Variants in DTNBP1 observed in about 807,000 individuals in gnomAD.
DTNBP1 encodes dysbindin.
In DTNBP1, 35 loss-of-function variants were observed where a neutral mutation model predicts 42.8. The observed-to-expected ratio is 0.82, with a 90% confidence interval of 0.63 to 1.09. DTNBP1 has a LOEUF of 1.09. Among genes scored for constraint, DTNBP1 ranks in the 50% least tolerant of loss-of-function variants. The pLI is 0.00. For missense variants in DTNBP1, 457 were observed against 424.2 expected, an observed-to-expected ratio of 1.08 and a Z score of -0.68; for synonymous variants, 171 against 162.2, an observed-to-expected ratio of 1.05 and a Z score of -0.41.
chr6:15,569,765 T>C (rs960954482), intron 7 of DTNBP1, among the ~76,000 whole-genome samples: 12 of 152,232 alleles, frequency 7.9e-5, no homozygotes, highest in African/African-American at 2.7e-4. Context: ...TTCTTCTGCA[T>C]AGAAATTTCG....
At chr6:15,586,021 A>G (rs1394429540) in intron 7 of DTNBP1, 47 of 1,230,462 alleles carry the variant, frequency 3.8e-5, no homozygotes, top group Non-Finnish European at 4.6e-5. Flanking sequence ...GCAAAGATGT[A>G]TGCACCGGTC....
chr6:15,553,481 C>T (rs900411827), intron 7 of DTNBP1, among the ~76,000 whole-genome samples: 2 of 151,306 alleles, frequency 1.3e-5, no homozygotes, highest in Non-Finnish European at 2.9e-5. Flanking sequence ...AGCATTTTGA[C>T]ATAAACTGTT....
chr6:15,626,452 A>G (rs573578138), intron 5 of DTNBP1, among the ~76,000 whole-genome samples: 2 of 152,204 alleles, frequency 1.3e-5, no homozygotes, highest in Non-Finnish European at 2.9e-5. Context: ...GAATAAGGCA[A>G]TATTAAAAAC....
Position 15,645,217 on chromosome 6 carries a change from A to G in DTNBP1, c.161+6096T>C, listed in dbSNP as rs571470446. Among the ~76,000 whole-genome samples, 7 of 152,154 alleles carry G rather than the reference A, an allele frequency of 4.6e-5. No homozygotes were observed. In the Middle Eastern group the frequency reaches 0.01, roughly 222 times the overall value. ...AATTCCTAGAAACACATCACCTTCC[A>G]GACTGAACCAGAAAGAAATTGAAAT... is the stretch of plus-strand genomic sequence containing the variant. On this transcript the variant is annotated intron_variant, in intron 3 of 9. Transcript: ENST00000344537.
At chr6:15,634,698 TCAATA>T (rs1759905483) in intron 4 of DTNBP1, among the ~76,000 whole-genome samples, 1 of 152,120 alleles carries the variant, frequency 6.6e-6, no homozygotes, top group Non-Finnish European at 1.5e-5. Flanking sequence ...TTAATCAATA[TCAATA>T]CATTTCCCCC....
At chr6:15,602,357 C>A (rs765792271) in intron 6 of DTNBP1, among the ~76,000 whole-genome samples, 3 of 152,152 alleles carry the variant, frequency 2.0e-5, no homozygotes, top group African/African-American at 4.8e-5. Context: ...TGCTTACCAC[C>A]GATGTCAGAG....
At chr6:15,585,280 C>T (rs2113596975) in intron 7 of DTNBP1, among the ~76,000 whole-genome samples, 1 of 151,260 alleles carries the variant, frequency 6.6e-6, no homozygotes, top group Admixed American at 6.6e-5. Context: ...AACATACTAG[C>T]AGCAAGGGAT....
At chr6:15,613,529 G>A (rs935793844) in intron 6 of DTNBP1, among the ~76,000 whole-genome samples, 9 of 151,564 alleles carry the variant, frequency 5.9e-5, no homozygotes, top group Non-Finnish European at 1.3e-4. Flanking sequence ...ACCACACCCG[G>A]CTAATTTTTT....
chr6:15,659,698 G>A (rs1171837160), intron 1 of DTNBP1, among the ~76,000 whole-genome samples: 2 of 151,656 alleles, frequency 1.3e-5, no homozygotes, highest in African/African-American at 2.4e-5. Flanking sequence ...AATTACAGAC[G>A]CACGCCACCA....
intron 7 of DTNBP1, among the ~76,000 whole-genome samples, chr6:15,550,141 G>T (rs916853771): frequency 3.3e-5 from 5 of 152,168 alleles, no homozygotes; most frequent in Non-Finnish European, 1.5e-5. Context: ...TTAGAATTCA[G>T]ATGCTAGATT....
At chr6:15,600,348 T>C (rs1488499183) in intron 6 of DTNBP1, among the ~76,000 whole-genome samples, 3 of 152,172 alleles carry the variant, frequency 2.0e-5, no homozygotes, top group South Asian at 4.1e-4. Context: ...TCTTTTCTTA[T>C]TGGTAGAGAA....
At chr6:15,660,404 C>G in intron 1 of DTNBP1, 1 of 1,289,786 alleles carries the variant, frequency 7.8e-7, no homozygotes, top group Non-Finnish European at 1.0e-6. Flanking sequence ...GAACATCAGG[C>G]ACTAGAGGTC....
intron 4 of DTNBP1, among the ~76,000 whole-genome samples, chr6:15,634,100 T>C (rs1199657228): frequency 6.6e-6 from 1 of 152,168 alleles, no homozygotes; most frequent in African/African-American, 2.4e-5. Flanking sequence ...GTTCTAGGTG[T>C]TTCTCTTGTC....
intron 7 of DTNBP1, among the ~76,000 whole-genome samples, chr6:15,542,385 T>G (rs185550862): frequency 5.8e-3 from 890 of 152,176 alleles, no homozygotes; most frequent in Non-Finnish European, 9.8e-3. Flanking sequence ...TGTTTTTTGT[T>G]TTTTTTAGAC....
intron 7 of DTNBP1, among the ~76,000 whole-genome samples, chr6:15,535,719 C>T (rs139932694): frequency 1.3e-5 from 2 of 152,200 alleles, no homozygotes; most frequent in East Asian, 3.9e-4. Context: ...GTGGAAGGGA[C>T]TTTGGAACTG....
At chr6:15,547,985 C>G (rs1773980940) in intron 7 of DTNBP1, among the ~76,000 whole-genome samples, 1 of 152,094 alleles carries the variant, frequency 6.6e-6, no homozygotes, top group Non-Finnish European at 1.5e-5. Context: ...TACATACAAG[C>G]AAAGTGAGAT....
chr6:15,633,207 A>G (rs1402389026), intron 4 of DTNBP1, among the ~76,000 whole-genome samples: 1 of 152,216 alleles, frequency 6.6e-6, no homozygotes. Context: ...CTAATGCAAC[A>G]TCCATTCTGT....
chr6:15,562,594 C>T (rs1335803262), intron 7 of DTNBP1, among the ~76,000 whole-genome samples: 1 of 152,150 alleles, frequency 6.6e-6, no homozygotes, highest in Non-Finnish European at 1.5e-5. Context: ...ATTTAAATTG[C>T]TGTGTCTAGG....
At chr6:15,642,932 T>C (rs1482684323) in intron 3 of DTNBP1, among the ~76,000 whole-genome samples, 3 of 152,128 alleles carry the variant, frequency 2.0e-5, no homozygotes. Context: ...TCTCAAAGGA[T>C]CACATTAGCT....
Sources: gnomAD v4.1 joint callset for allele counts (sites outside exome capture counted in the v4.1 genomes callset) on GRCh38, gnomAD v4.1.1 for gene constraint, MANE v1.5 for transcripts, NCBI Gene and HGNC (gene_info 2026-07-23, HGNC 2026-07-21) for gene names.